The following ABCA4 variants were observed in gnomAD, a reference collection of about 807,000 sequenced individuals.
ABCA4 encodes the protein ATP binding cassette subfamily A member 4.
In ABCA4, 196 loss-of-function variants were observed where a neutral mutation model predicts 263.7. The observed-to-expected ratio is 0.74, with a 90% CI of 0.66 to 0.84. The LOEUF (loss-of-function observed/expected upper bound fraction) is 0.84. Among genes scored for constraint, ABCA4 ranks in the 40% least tolerant of loss-of-function variants. The pLI, the probability that ABCA4 is intolerant of heterozygous loss-of-function variation, is 0.00. For missense variants in ABCA4, 2,792 were observed against 2,855.1 expected (o/e 0.98, Z 0.50); for synonymous variants, 1,133 against 1,094.2 (o/e 1.04, Z -0.70).
At chr1:94,099,866 T>C (rs1203276201) in intron 5 of ABCA4, among the ~76,000 whole-genome samples, 2 of 152,186 alleles carry the variant, frequency 1.3e-5, no homozygotes, top group Non-Finnish European at 2.9e-5. Context: ...AGCTCAAGGA[T>C]AGTGGTTCTT....
intron 8 of ABCA4, 53 bp downstream of exon 8, chr1:94,080,425 T>A (rs984847295): frequency 1.9e-5 from 30 of 1,611,740 alleles, no homozygotes; most frequent in Non-Finnish European, 2.5e-6. Flanking sequence ...TGTTAAACCA[T>A]CAACTTAACC....
At chr1:94,026,695 T>A (rs960925051) in intron 30 of ABCA4, among the ~76,000 whole-genome samples, 2 of 152,238 alleles carry the variant, frequency 1.3e-5, no homozygotes, top group African/African-American at 4.8e-5. Flanking sequence ...TATCTCCACA[T>A]ATACTAGAAG....
chr1:94,023,144 T>G (rs1659944745), intron 32 of ABCA4, among the ~76,000 whole-genome samples: 1 of 152,104 alleles, frequency 6.6e-6, no homozygotes, highest in Non-Finnish European at 1.5e-5. Context: ...GTGAGAATGC[T>G]CTGAAACGCC....
intron 2 of ABCA4, 120 bp downstream of exon 2, chr1:94,112,853 T>C (rs762885421): frequency 2.6e-6 from 2 of 784,086 alleles, no homozygotes; most frequent in Non-Finnish European, 4.6e-6. Context: ...ACATGCATCA[T>C]AGACATGAAA....
chr1:94,064,699 G>A (rs772346198), intron 11 of ABCA4, among the ~76,000 whole-genome samples: 1 of 152,198 alleles, frequency 6.6e-6, no homozygotes, highest in Non-Finnish European at 1.5e-5. Flanking sequence ...AGAAGGGAGT[G>A]TAGGGTGAAG....
At chr1:94,119,443 A>G (rs1209159849) in intron 1 of ABCA4, among the ~76,000 whole-genome samples, 2 of 152,160 alleles carry the variant, frequency 1.3e-5, no homozygotes, top group East Asian at 1.9e-4. Context: ...AGCGTGTCCC[A>G]TGCTGCTCTC....
At chr1:94,058,871 C>T (rs1275767714) in intron 14 of ABCA4, among the ~76,000 whole-genome samples, 1 of 152,150 alleles carries the variant, frequency 6.6e-6, no homozygotes, top group African/African-American at 2.4e-5. Context: ...TCCCATTGTC[C>T]CTGCTTCCAG....
intron 6 of ABCA4, among the ~76,000 whole-genome samples, chr1:94,083,676 T>C (rs954273542): frequency 1.3e-5 from 2 of 152,204 alleles, no homozygotes; most frequent in Admixed American, 6.5e-5. Context: ...GATAGTTTCA[T>C]AGTTATATTA....
At chr1:94,019,947 G>A (rs1055089047) in intron 35 of ABCA4, among the ~76,000 whole-genome samples, 188 bp from the exon 36 acceptor site, 1 of 152,162 alleles carries the variant, frequency 6.6e-6, no homozygotes, top group African/African-American at 2.4e-5. Flanking sequence ...GGTTAAATGG[G>A]TATTTGCGGG....
Position 94,029,569 on chromosome 1 carries a change from T to C in ABCA4, c.4415A>G (p.Gln1472Arg). ...TGTCCATTTCTGCTTCTGGAACAGC[T>C]GGGTGATGTTTGGGGACACAGAAGG... is the stretch of plus-strand genomic sequence containing the variant. ...KTPSVSPNIT[Q>R]LFQKQKWTQV... Residue 1472 changes from glutamine to arginine, a missense_variant, in exon 30 of 50, where the codon CAG becomes CGG. Coordinates refer to ENST00000370225, the MANE Select transcript of ABCA4 (RefSeq NM_000350.3). 1.2e-6 allele frequency: 2 copies of C among 1,614,014 alleles called. No individual in the cohort carries two copies. Among genetic ancestry groups the C allele is most frequent in the Non-Finnish European group, 1.7e-6 (2 of 1,179,950 alleles).
chr1:94,120,732 C>T (rs907185490), intron 1 of ABCA4, among the ~76,000 whole-genome samples: 4 of 152,026 alleles, frequency 2.6e-5, no homozygotes, highest in African/African-American at 9.7e-5. Context: ...TTGACAGGCA[C>T]GGTAGGCAAA....
intron 40 of ABCA4, among the ~76,000 whole-genome samples, chr1:94,009,842 T>A (rs923185713): frequency 6.6e-6 from 1 of 152,208 alleles, no homozygotes; most frequent in African/African-American, 2.4e-5. Flanking sequence ...CTAAAAGGTA[T>A]GGCCAAGGCT....
chr1:94,062,840 T>C, intron 12 of ABCA4, 87 bp from the exon 13 acceptor site: 1 of 1,389,928 alleles, frequency 7.2e-7, no homozygotes, highest in Admixed American at 1.9e-5. Flanking sequence ...CGGAACTCAT[T>C]CTCTTAAAAT....
Position 94,015,812 on chromosome 1 carries a change from T to A in ABCA4, c.5239A>T (p.Ile1747Phe). The A allele has an allele frequency of 1.9e-6, 3 of 1,613,964 alleles. No individual in the cohort carries two copies. Among genetic ancestry groups the A allele is most frequent in the Non-Finnish European group, 2.5e-6 (3 of 1,179,996 alleles). ...VSAGLVVGIF[I>F]GFQKKAYTSP... ...GTGTAGGCTTTCTTCTGAAACCCGA[T>A]GAAGATGCCCACCACCAGCCCAGCA... The change falls in exon 37 of 50, where the codon ATC becomes TTC. Residue 1747 changes from isoleucine (I) to phenylalanine (F), a missense_variant. Ile to Phe is a conservative substitution (Grantham distance 21, BLOSUM62 0). Coordinates refer to ENST00000370225, the MANE Select transcript of ABCA4 (RefSeq NM_000350.3).
intron 46 of ABCA4, 30 bp downstream of exon 46, chr1:94,000,972 C>A: frequency 1.2e-6 from 2 of 1,613,834 alleles, no homozygotes. Flanking sequence ...GGATTCCCAC[C>A]CACCTTCCCC....
At position 94,015,858 on chromosome 1, in the gene ABCA4, G is replaced by A. The variant is rs758825834; in HGVS notation, c.5197-4C>T. On this transcript the variant is annotated splice_region_variant and splice_polypyrimidine_tract_variant and intron_variant, in intron 36 of 49. Coordinates refer to ENST00000370225, the MANE Select transcript of ABCA4 (RefSeq NM_000350.3). ...CAGCACTCACGGAATAATTCATCTC[G>A]GAAAGAGAAGAGGAGAGCAAGTCAC... 3.2e-5 allele frequency: 51 copies of A among 1,610,462 alleles called. No individual in the cohort carries two copies. Among genetic ancestry groups the A allele is most frequent in the Middle Eastern group, 1.6e-4 (1 of 6,080 alleles).
chr1:94,058,918 C>G (rs1043965837), intron 14 of ABCA4, among the ~76,000 whole-genome samples: 1 of 152,072 alleles, frequency 6.6e-6, no homozygotes, highest in African/African-American at 2.4e-5. Flanking sequence ...GAGGAAGAGA[C>G]AAGGGAAAGG....
At position 94,060,731 on chromosome 1, in the gene ABCA4, G is replaced by T; in HGVS notation, c.1966C>A (p.Pro656Thr). ...SFMIILNRCF[P>T]IFMVLAWIYS... Reference sequence around the variant, plus strand: ...ATCCATGCCAGCACCATGAAGATAGGGAAACAGCGGTTCAGGATGATCATG... The same window carrying T: ...ATCCATGCCAGCACCATGAAGATAGTGAAACAGCGGTTCAGGATGATCATG... The change falls in exon 14 of 50, where the codon CCT becomes ACT. Residue 656 changes from proline (P) to threonine (T), a missense_variant. By Grantham distance (38) the Pro-to-Thr change is conservative (BLOSUM62 -1). Transcript: ENST00000370225. The T allele has an allele frequency of 6.2e-7, 1 of 1,613,514 alleles. No homozygotes were observed. Among genetic ancestry groups the T allele is most frequent in the Non-Finnish European group, 8.5e-7 (1 of 1,179,744 alleles).
chr1:94,117,723 C>T (rs1323141888), intron 1 of ABCA4, among the ~76,000 whole-genome samples: 2 of 152,116 alleles, frequency 1.3e-5, no homozygotes. Flanking sequence ...GCTCACAGAC[C>T]TCCTCCTCAC....
Sources: allele counts gnomAD v4.1 joint callset (sites outside exome capture counted in the v4.1 genomes callset), GRCh38; gene constraint gnomAD v4.1.1; transcripts MANE v1.5; gene names NCBI Gene and HGNC (gene_info 2026-07-23, HGNC 2026-07-21).